CEP250: variants seen among roughly 807,000 people sequenced by gnomAD.
CEP250 encodes the protein centrosome-associated protein CEP250.
Under a neutral mutation model 315.7 loss-of-function variants are expected in CEP250, and 242 were observed. The ratio of observed to expected loss-of-function variants is 0.77; its 90% CI spans 0.69 to 0.85. The LOEUF is 0.85. CEP250 is among the 40% of genes least tolerant of loss of function. The probability of loss-of-function intolerance (pLI) is 0.00; values close to 1 mark genes in which losing one functional copy is unlikely to be tolerated. For synonymous variants in CEP250, 1,088 were observed against 1,175.0 expected (o/e 0.93, Z 1.51); for missense variants, 2,515 against 2,886.4 (o/e 0.87, Z 2.95).
At position 35,497,811 on chromosome 20, in the gene CEP250, C is replaced by T. The variant is rs758908106; in HGVS notation, c.3399C>T (p.Ile1133=). The stretch of plus-strand genomic sequence containing the variant: ...TGGAGGAGCTGGAGGCGTCTCATAT[C>T]ACGGAGCAGCAGCTGCGAGCCTCCT... The part of the protein sequence containing the change: ...QLLEELEASH[I]TEQQLRASLW... The change falls in exon 26 of 35, where the codon ATC becomes ATT. Residue 1133 remains isoleucine, a synonymous_variant. Coordinates refer to ENST00000397527, the MANE Select transcript of CEP250 (RefSeq NM_007186.6). The T allele has an allele frequency of 1.9e-5, 30 of 1,563,338 alleles. No homozygotes were observed. In the South Asian group the frequency reaches 2.6e-4, roughly 13 times the overall value.
chr20:35,499,232 G>A (rs567390567), intron 27 of CEP250, among the ~76,000 whole-genome samples: 4 of 152,278 alleles, frequency 2.6e-5, no homozygotes, highest in Middle Eastern at 3.4e-3. Context: ...CCAAGATTGT[G>A]CCATTGCACT....
chr20:35,502,786 G>C lies in CEP250; in HGVS notation c.4417G>C (p.Asp1473His). 1 of 1,614,264 alleles carries C rather than the reference G, an allele frequency of 6.2e-7. No individual in the cohort carries two copies. Among genetic ancestry groups the C allele is most frequent in the Non-Finnish European group, 8.5e-7 (1 of 1,180,056 alleles). ...LDLKKRNQEV[D>H]LQQEQIQELE... is the part of the protein sequence containing the mutation. The stretch of plus-strand genomic sequence containing the variant: ...CCTGAAGAAGAGGAACCAAGAGGTA[G>C]ATCTGCAGCAAGAACAGATTCAGGA... The change falls in exon 30 of 35, where the codon GAT (aspartate) becomes CAT (histidine). Residue 1473 changes from aspartate (D) to histidine (H), a missense_variant. Asp to His is a moderately conservative substitution (Grantham distance 81). Coordinates refer to ENST00000397527, the MANE Select transcript of CEP250 (RefSeq NM_007186.6).
rs2063922416 is a variant in CEP250 at position 35,498,846 on chromosome 20, A to T, written c.3777+130A>T. The T allele has an allele frequency of 7.4e-6, 8 of 1,077,310 alleles. No homozygotes were observed. In the South Asian group the frequency reaches 1.3e-4, roughly 18 times the overall value. The allele number at this position is 1,077,310 out of a possible 1,614,324, so 66.7% of individuals were successfully genotyped here. A position where few individuals can be genotyped will look rare whatever the true frequency, so the allele number is the denominator to read the frequency against. On this transcript the variant is annotated intron_variant, in intron 27 of 34. Transcript: ENST00000397527. ...GGGATGAGTTTCACCTCTATCACTT[A>T]CCACCTGGCAACCACAAATGAAGCA...
At position 35,517,051 on chromosome 20, in the gene CEP250, A is replaced by C. The variant is rs903342731; in HGVS notation, c.*5425A>C. 1.5e-5 allele frequency: 15 copies of C among 984,538 alleles called. No individual in the cohort carries two copies. The highest frequency in any genetic ancestry group is 8.4e-6 in the Non-Finnish European group (7 of 829,168). 61.0% of individuals were successfully genotyped at this position (984,538 alleles called of 1,614,324 possible). A position where few individuals can be genotyped will look rare whatever the true frequency, so the allele number is the denominator to read the frequency against. ...CTGAGAAAAGTGGGAAGCCATGGTCACAGACTCTACATTCCCCTCTCCTGT... is the reference window on the plus strand; with the variant it reads ...CTGAGAAAAGTGGGAAGCCATGGTCCCAGACTCTACATTCCCCTCTCCTGT... On this transcript the variant is annotated 3_prime_UTR_variant, in exon 35 of 35. Transcript: ENST00000397527.
At position 35,456,786 on chromosome 20, in the gene CEP250, CT is replaced by C. The variant is rs3838370; in HGVS notation, c.-298+1051del. ...GCTATAAGTTATATGCCTCCCCCCA[CT>C]TTTTTTTTTTTTTTTGAGACCTGGT... On this transcript the variant is annotated intron_variant, in intron 1 of 34. Transcript: ENST00000397527. 1.3e-3 allele frequency among the ~76,000 whole-genome samples: 185 copies of C among 141,294 alleles called. 1 individual carries two copies. The highest frequency in any genetic ancestry group is 1.6e-3 in the Admixed American group (22 of 14,094). The allele number at this position is 141,294 out of a possible 152,430, so 92.7% of individuals were successfully genotyped here. A position where few individuals can be genotyped will look rare whatever the true frequency, so the allele number is the denominator to read the frequency against.
chr20:35,467,114 A>G, intron 8 of CEP250, 42 bp downstream of exon 8: 1 of 1,242,076 alleles, frequency 8.1e-7, no homozygotes, highest in Non-Finnish European at 1.1e-6. Context: ...GCCCCTACCA[A>G]TTCTGGACTA....
At position 35,462,296 on chromosome 20, in the gene CEP250, G is replaced by T; in HGVS notation, c.-72G>T. On this transcript the variant is annotated 5_prime_UTR_variant, in exon 4 of 35. Coordinates refer to ENST00000397527, the MANE Select transcript of CEP250 (RefSeq NM_007186.6). Reference sequence around the variant, plus strand: ...AGGAGGTTGAAGTGGCATGGCAATGGTTAGAGACCCTGCTGGGCGTGAACA... The same window carrying T: ...AGGAGGTTGAAGTGGCATGGCAATGTTTAGAGACCCTGCTGGGCGTGAACA... 7.8e-7 allele frequency: 1 copy of T among 1,289,042 alleles called. No homozygotes were observed. Among genetic ancestry groups the T allele is most frequent in the Non-Finnish European group, 1.1e-6 (1 of 929,460 alleles). 79.9% of individuals were successfully genotyped at this position (1,289,042 alleles called of 1,614,324 possible). A position where few individuals can be genotyped will look rare whatever the true frequency, so the allele number is the denominator to read the frequency against.
At chr20:35,475,091 C>A (rs185137856) in intron 14 of CEP250, among the ~76,000 whole-genome samples, 1 of 152,242 alleles carries the variant, frequency 6.6e-6, no homozygotes. Flanking sequence ...GTAGCCATGG[C>A]AAGGTGAGAT....
intron 24 of CEP250, among the ~76,000 whole-genome samples, chr20:35,495,291 C>T (rs1157802586): frequency 6.6e-6 from 1 of 152,136 alleles, no homozygotes; most frequent in African/African-American, 2.4e-5. Context: ...TAGGCCACAG[C>T]AAGGAGTTCG....
At chr20:35,485,645 C>CTTTCTTT (rs2063489832) in intron 20 of CEP250, among the ~76,000 whole-genome samples, 1 of 33,788 alleles carries the variant, frequency 3.0e-5, no homozygotes, top group African/African-American at 1.2e-4. Context: ...GTCTGCCTGG[C>CTTTCTTT]TTTTTTTTTT....
chr20:35,510,029 A>C lies in CEP250; in HGVS notation c.7040A>C (p.Lys2347Thr). 6.2e-7 allele frequency: 1 copy of C among 1,614,228 alleles called. No homozygotes were observed. Among genetic ancestry groups the C allele is most frequent in the Non-Finnish European group, 8.5e-7 (1 of 1,180,042 alleles). The change falls in exon 34 of 35, where the codon AAG becomes ACG. Residue 2347 changes from lysine to threonine, a missense_variant. Transcript: ENST00000397527. ...AGAGGACAGAAGAACTCAGATGCCA[A>C]GTGTGTGGCTGAACTGCAGAAAGAG... ...DGRGQKNSDAKCVAELQKEVV... is the reference protein window; with the variant it reads ...DGRGQKNSDATCVAELQKEVV...
At position 35,503,445 on chromosome 20, in the gene CEP250, G is replaced by A; in HGVS notation, c.5076G>A (p.Leu1692=). ...ACCTGGAACAGATCAAGCTGTCCTT[G>A]AGAGAGCGAGGCCGGGAGCTGACCA... ...EEDLEQIKLS[L]RERGRELTTQ... Residue 1692 remains leucine, a synonymous_variant, in exon 30 of 35, where the codon TTG becomes TTA. Coordinates refer to ENST00000397527, the MANE Select transcript of CEP250 (RefSeq NM_007186.6). The surrounding 1 kb of genome is among the most constrained non-coding windows in gnomAD (Gnocchi z 4.2). The A allele has an allele frequency of 6.2e-7, 1 of 1,614,142 alleles. No individual in the cohort carries two copies. Among genetic ancestry groups the A allele is most frequent in the Non-Finnish European group, 8.5e-7 (1 of 1,180,016 alleles).
chr20:35,494,287 T>C (rs1304807099), intron 23 of CEP250: 1 of 465,708 alleles, frequency 2.1e-6, no homozygotes, highest in African/African-American at 2.0e-5. Flanking sequence ...CCAAGATTTT[T>C]ATTTGTGCCT....
intron 7 of CEP250, 121 bp downstream of exon 7, chr20:35,466,325 G>A (rs1239792907): frequency 4.1e-6 from 5 of 1,221,698 alleles, no homozygotes; most frequent in Non-Finnish European, 4.5e-6. Context: ...TGCTGTTAAA[G>A]TCCCTGACCA....
intron 7 of CEP250, 125 bp downstream of exon 7, chr20:35,466,329 C>T: frequency 8.5e-7 from 1 of 1,173,934 alleles, no homozygotes; most frequent in Non-Finnish European, 1.2e-6. Flanking sequence ...GTTAAAGTCC[C>T]TGACCATCCT....
At chr20:35,493,139 G>C (rs963123357) in intron 22 of CEP250, among the ~76,000 whole-genome samples, 1 of 151,968 alleles carries the variant, frequency 6.6e-6, no homozygotes, top group Non-Finnish European at 1.5e-5. Flanking sequence ...GTAGAGAATA[G>C]TGTGTGTGTG....
intron 30 of CEP250, among the ~76,000 whole-genome samples, chr20:35,506,066 C>G (rs918642900): frequency 6.6e-6 from 1 of 151,982 alleles, no homozygotes; most frequent in African/African-American, 2.4e-5. Context: ...GTGGGTGGGT[C>G]TGAGAGGTAG....
intron 25 of CEP250, 137 bp downstream of exon 25, chr20:35,496,852 C>T (rs993751541): frequency 8.7e-6 from 8 of 916,428 alleles, no homozygotes; most frequent in South Asian, 7.9e-5. Context: ...GGTGCCTCAA[C>T]ACCCCTACAG....
At chr20:35,462,201 T>C in intron 3 of CEP250, 64 bp from the exon 4 acceptor site, 2 of 558,804 alleles carry the variant, frequency 3.6e-6, no homozygotes, top group Non-Finnish European at 6.4e-6. Context: ...TTAAAGGTTC[T>C]GAGGAGTCTT....
Sources: allele counts gnomAD v4.1 joint callset (sites outside exome capture counted in the v4.1 genomes callset), GRCh38; gene constraint gnomAD v4.1.1; non-coding constraint Gnocchi (gnomAD v3.1); transcripts MANE v1.5; gene names NCBI Gene and HGNC (gene_info 2026-07-23, HGNC 2026-07-21).